The following PLBD1 variants were observed in gnomAD, a reference collection of about 807,000 sequenced individuals.
The protein encoded by PLBD1 is lysosomal leucine aminopeptidase.
Under a neutral mutation model 63.0 loss-of-function variants are expected in PLBD1, and 60 were observed. The ratio of observed to expected loss-of-function variants is 0.95; its 90% CI spans 0.77 to 1.18. PLBD1 has a LOEUF of 1.18. Among genes scored for constraint, PLBD1 ranks in the 50% most tolerant of loss-of-function variants. PLBD1 has a pLI of 0.00. For missense variants in PLBD1, 598 were observed against 677.9 expected, an observed-to-expected ratio of 0.88 and a Z score of 1.31; for synonymous variants, 262 against 248.0, an observed-to-expected ratio of 1.06 and a Z score of -0.53.
At chr12:14,504,139 T>G (rs964129154) in intron 10 of PLBD1, among the ~76,000 whole-genome samples, 185 bp from the exon 11 acceptor site, 15 of 152,128 alleles carry the variant, frequency 9.9e-5, no homozygotes, top group Admixed American at 9.2e-4. Flanking sequence ...AACCTCTGCC[T>G]CCCAGGTTCA....
chr12:14,517,292 T>G (rs1490643943), intron 6 of PLBD1, among the ~76,000 whole-genome samples: 1 of 152,062 alleles, frequency 6.6e-6, no homozygotes, highest in Non-Finnish European at 1.5e-5. Context: ...GCTACAGGCA[T>G]GCACCACCAC....
intron 6 of PLBD1, among the ~76,000 whole-genome samples, chr12:14,513,742 A>G: frequency 6.6e-6 from 1 of 151,932 alleles, no homozygotes; most frequent in East Asian, 1.9e-4. Flanking sequence ...CTTGAGTAGG[A>G]AAGTTACACG....
Position 14,567,866 on chromosome 12 carries a change from G to A in PLBD1, c.-170C>T, listed in dbSNP as rs931921611. 1.3e-5 allele frequency: 12 copies of A among 948,008 alleles called. No individual in the cohort carries two copies. The South Asian group carries it at 1.8e-4, about 14-fold the overall frequency. The allele number at this position is 948,008 out of a possible 1,614,324, so 58.7% of individuals were successfully genotyped here. A position where few individuals can be genotyped will look rare whatever the true frequency, so the allele number is the denominator to read the frequency against. ...CGGCCTGCTCCGGGCTCTGAGGGGC[G>A]AGGACGCTTCACGTGGTGGCCTGGG... On this transcript the variant is annotated 5_prime_UTR_variant, in exon 1 of 11. Transcript: ENST00000240617.
chr12:14,508,778 TAAAG>T (rs5796597), intron 8 of PLBD1, among the ~76,000 whole-genome samples: 6,549 of 151,974 alleles, frequency 0.043, 180 homozygotes, highest in African/African-American at 0.072. Flanking sequence ...TCAAAATAAA[TAAAG>T]AAAATAGAGC....
chr12:14,512,814 C>T (rs1216870220), intron 6 of PLBD1, among the ~76,000 whole-genome samples: 4 of 152,180 alleles, frequency 2.6e-5, no homozygotes, highest in Non-Finnish European at 2.9e-5. Flanking sequence ...CCTTACAAAA[C>T]AGTCCCGAGG....
At chr12:14,541,542 G>A (rs761651417) in intron 3 of PLBD1, among the ~76,000 whole-genome samples, 1 of 152,114 alleles carries the variant, frequency 6.6e-6, no homozygotes, top group Non-Finnish European at 1.5e-5. Context: ...ACTTGTCCAG[G>A]CTATCACTAG....
At chr12:14,514,012 C>G (rs1348092202) in intron 6 of PLBD1, among the ~76,000 whole-genome samples, 2 of 152,166 alleles carry the variant, frequency 1.3e-5, no homozygotes, top group Admixed American at 1.3e-4. Flanking sequence ...ATCTCCTGAC[C>G]TCATGATCTG....
chr12:14,535,977 C>T (rs1379124597), intron 5 of PLBD1, 174 bp from the exon 6 acceptor site: 1 of 583,256 alleles, frequency 1.7e-6, no homozygotes, highest in Non-Finnish European at 2.9e-6. Flanking sequence ...TGGCCCCAAA[C>T]AGACTCTTCC....
Position 14,530,512 on chromosome 12 carries a change from A to T in PLBD1, c.844+5147T>A, listed in dbSNP as rs550103170. 7.7e-3 allele frequency among the ~76,000 whole-genome samples: 1,175 copies of T among 152,330 alleles called. 9 individuals are homozygous for T. The highest frequency in any genetic ancestry group is 0.024 in the Middle Eastern group (7 of 294). ...AACAACTGAAAAAAGAATAAAAAAC[A>T]TTTTGATTACAGTAGCATCAAACAT... is the stretch of plus-strand genomic sequence containing the variant. On this transcript the variant is annotated intron_variant, in intron 6 of 10. Coordinates refer to ENST00000240617, the MANE Select transcript of PLBD1 (RefSeq NM_024829.6).
In PLBD1 at chr12:14,527,695, G is replaced by A. The variant is rs552713771; in HGVS notation, c.844+7964C>T. Among the ~76,000 whole-genome samples the A allele has an allele frequency of 6.4e-4, 98 of 152,064 alleles. 2 individuals are homozygous for A. In the South Asian group the frequency reaches 0.02, roughly 31 times the overall value. On this transcript the variant is annotated intron_variant, in intron 6 of 10. Transcript: ENST00000240617. The stretch of plus-strand genomic sequence containing the variant: ...GGCAAGAAACTTAATGGAAAGAAAA[G>A]AACCTTCCTTTATTGGCCCTTAAAC...
At chr12:14,550,446 G>A (rs943895811) in intron 2 of PLBD1, among the ~76,000 whole-genome samples, 1 of 152,142 alleles carries the variant, frequency 6.6e-6, no homozygotes, top group African/African-American at 2.4e-5. Flanking sequence ...TGACTTATAC[G>A]TGTCAACTTT....
chr12:14,521,952 TA>T (rs1027884017), intron 6 of PLBD1, among the ~76,000 whole-genome samples: 4 of 150,698 alleles, frequency 2.7e-5, no homozygotes, highest in South Asian at 2.1e-4. Flanking sequence ...GAGATATCAT[TA>T]AAAAAAAACT....
At position 14,507,025 on chromosome 12, in the gene PLBD1, G is replaced by C. The variant is rs1945261912; in HGVS notation, c.1280C>G (p.Ser427Cys). 6.2e-7 allele frequency: 1 copy of C among 1,614,018 alleles called. No individual in the cohort carries two copies. The highest frequency in any genetic ancestry group is 8.5e-7 in the Non-Finnish European group (1 of 1,179,962). ...TTTGGCTCGTGGAGCTAAATCATAA[G>C]AGTAGTCCAAGCCCAGCTTCTGAAC... The part of the protein sequence containing the change: ...LLVQKLGLDY[S>C]YDLAPRAKIF... Residue 427 changes from serine to cysteine, a missense_variant, in exon 9 of 11, where the codon TCT becomes TGT. Physicochemically the swap from Ser to Cys is moderately radical, Grantham distance 112 (BLOSUM62 -1). Coordinates refer to ENST00000240617, the MANE Select transcript of PLBD1 (RefSeq NM_024829.6).
At chr12:14,542,348 C>G (rs925377014) in intron 2 of PLBD1, 57 bp from the exon 3 acceptor site, 3 of 1,347,042 alleles carry the variant, frequency 2.2e-6, no homozygotes, top group Non-Finnish European at 3.2e-6. Flanking sequence ...ATTTCTCCAT[C>G]ACAGTAAATT....
chr12:14,526,921 A>G (rs1337128158), intron 6 of PLBD1, among the ~76,000 whole-genome samples: 1 of 152,168 alleles, frequency 6.6e-6, no homozygotes, highest in East Asian at 1.9e-4. Context: ...GCAGTGAGCT[A>G]AGATTGCACC....
chr12:14,514,285 G>C (rs35590448), intron 6 of PLBD1, among the ~76,000 whole-genome samples: 4 of 152,100 alleles, frequency 2.6e-5, no homozygotes, highest in Non-Finnish European at 4.4e-5. Flanking sequence ...TTCGTGTCTT[G>C]GGCTGGGATC....
At chr12:14,544,587 C>G (rs1412841787) in intron 2 of PLBD1, among the ~76,000 whole-genome samples, 2 of 152,140 alleles carry the variant, frequency 1.3e-5, no homozygotes, top group East Asian at 3.8e-4. Context: ...CAGAGTTTCT[C>G]AATCTAATTG....
In PLBD1 at chr12:14,567,748, G is replaced by A. The variant is rs750327499; in HGVS notation, c.-52C>T. The A allele has an allele frequency of 1.4e-5, 20 of 1,382,610 alleles. No individual in the cohort carries two copies. Among genetic ancestry groups the A allele is most frequent in the Admixed American group, 7.8e-5 (2 of 25,756 alleles). The allele number at this position is 1,382,610 out of a possible 1,614,324, so 85.6% of individuals were successfully genotyped here. A position where few individuals can be genotyped will look rare whatever the true frequency, so the allele number is the denominator to read the frequency against. ...CGGGATCAGGCGGCCGCGGTGGCCC[G>A]CGGTGGCAGAAGTTGCAAGAGAGGC... On this transcript the variant is annotated 5_prime_UTR_variant, in exon 1 of 11. Coordinates refer to ENST00000240617, the MANE Select transcript of PLBD1 (RefSeq NM_024829.6).
rs117573416 is a variant in PLBD1, at chr12:14,533,421, G to A, written c.844+2238C>T. ...CCAAAAAGCTCTACATATTATCTAT[G>A]AAATCTACTTGTGTATCTCATCTGG... On this transcript the variant is annotated intron_variant, in intron 6 of 10. Coordinates refer to ENST00000240617, the MANE Select transcript of PLBD1 (RefSeq NM_024829.6). 4.9e-4 allele frequency among the ~76,000 whole-genome samples: 75 copies of A among 152,252 alleles called. 1 individual carries two copies. The East Asian group carries it at 0.011, about 23-fold the overall frequency.
Sources: allele counts gnomAD v4.1 joint callset (sites outside exome capture counted in the v4.1 genomes callset), GRCh38; gene constraint gnomAD v4.1.1; transcripts MANE v1.5; gene names NCBI Gene and HGNC (gene_info 2026-07-23, HGNC 2026-07-21).